ANO3: variants seen among roughly 807,000 people sequenced by gnomAD.
ANO3 encodes anoctamin-3.
Under a neutral mutation model 144.8 loss-of-function variants are expected in ANO3, and 99 were observed. The ratio of observed to expected loss-of-function variants is 0.68; its 90% CI spans 0.58 to 0.81. The LOEUF is 0.81. ANO3 is among the 30% of genes least tolerant of loss of function. The pLI, the probability that ANO3 is intolerant of heterozygous loss-of-function variation, is 0.00. For synonymous variants in ANO3, 414 were observed against 392.6 expected, an observed-to-expected ratio of 1.05 and a Z score of -0.64; for missense variants, 905 against 1,202.2, an observed-to-expected ratio of 0.75 and a Z score of 3.66.
At chr11:26,345,436 C>A (rs1283950157) in intron 1 of ANO3, among the ~76,000 whole-genome samples, 1 of 152,100 alleles carries the variant, frequency 6.6e-6, no homozygotes, top group African/African-American at 2.4e-5. Context: ...GCCTGTAGTC[C>A]CAGCTACCTG....
At chr11:26,534,342 G>A (rs375194824) in intron 8 of ANO3, 114 bp from the exon 9 acceptor site, 10 of 584,522 alleles carry the variant, frequency 1.7e-5, no homozygotes, top group African/African-American at 9.3e-5. Flanking sequence ...TAAAGAGGAT[G>A]ATTTCCCTTC....
intron 13 of ANO3, among the ~76,000 whole-genome samples, chr11:26,555,029 C>T (rs1242125526): frequency 6.6e-6 from 1 of 152,130 alleles, no homozygotes; most frequent in Non-Finnish European, 1.5e-5. Context: ...AATCCAAAGC[C>T]ACTCAATGTC....
At chr11:26,286,995 C>A (rs1206781090) in intron 1 of ANO3, among the ~76,000 whole-genome samples, 2 of 152,052 alleles carry the variant, frequency 1.3e-5, no homozygotes, top group South Asian at 2.1e-4. Context: ...TGTTATAAAT[C>A]AATGGAAGCA....
intron 14 of ANO3, chr11:26,572,393 A>T: frequency 7.8e-5 from 22 of 280,740 alleles, no homozygotes; most frequent in South Asian, 1.4e-4. Flanking sequence ...CGGGTCATCA[A>T]TTTTTTTTTT....
intron 1 of ANO3, among the ~76,000 whole-genome samples, chr11:26,433,136 A>C (rs1439200416): frequency 6.6e-6 from 1 of 151,982 alleles, no homozygotes; most frequent in African/African-American, 2.4e-5. Flanking sequence ...CTGTATTCCT[A>C]GGTATTTTTT....
chr11:26,517,256 G>A (rs1861899053), intron 6 of ANO3, among the ~76,000 whole-genome samples: 2 of 152,086 alleles, frequency 1.3e-5, no homozygotes, highest in South Asian at 4.1e-4. Context: ...TAGTTTTGTG[G>A]AAGGCAGAAA....
chr11:26,229,424 T>C (rs1376103584), intron 1 of ANO3, among the ~76,000 whole-genome samples: 2 of 152,214 alleles, frequency 1.3e-5, no homozygotes, highest in Non-Finnish European at 2.9e-5. Flanking sequence ...CCTATGTTGT[T>C]AACTCAGTAT....
chr11:26,506,254 T>C (rs1448890447), intron 4 of ANO3, among the ~76,000 whole-genome samples: 2 of 152,164 alleles, frequency 1.3e-5, no homozygotes, highest in Admixed American at 6.5e-5. Context: ...TATTTGTATA[T>C]GGCTCCTTAT....
At chr11:26,452,819 C>T (rs186525157) in intron 3 of ANO3, among the ~76,000 whole-genome samples, 5 of 152,098 alleles carry the variant, frequency 3.3e-5, no homozygotes, top group African/African-American at 1.2e-4. Context: ...ATGTTAAGGG[C>T]AGTCAGAGAG....
intron 1 of ANO3, among the ~76,000 whole-genome samples, chr11:26,257,154 ATATG>A (rs917949260): frequency 2.6e-5 from 4 of 152,124 alleles, no homozygotes; most frequent in Non-Finnish European, 5.9e-5. Flanking sequence ...ACTATGCTAA[ATATG>A]TATGTATACA....
At chr11:26,191,361 CAT>C (rs745734397) in intron 1 of ANO3, among the ~76,000 whole-genome samples, 5 of 150,716 alleles carry the variant, frequency 3.3e-5, no homozygotes, top group Non-Finnish European at 7.4e-5. Flanking sequence ...CACACACACA[CAT>C]ATATATATTT....
chr11:26,268,468 T>A (rs1264145704), intron 1 of ANO3, among the ~76,000 whole-genome samples: 3 of 152,070 alleles, frequency 2.0e-5, no homozygotes, highest in African/African-American at 7.2e-5. Flanking sequence ...GCATAAAAAG[T>A]TTTTGTTAGG....
chr11:26,597,580 G>A (rs569229307), intron 14 of ANO3, among the ~76,000 whole-genome samples: 5 of 152,254 alleles, frequency 3.3e-5, no homozygotes, highest in South Asian at 4.1e-4. Flanking sequence ...AGCTCGAGCC[G>A]TAACAAACAC....
chr11:26,249,220 C>T (rs112856359), intron 1 of ANO3, among the ~76,000 whole-genome samples: 1,697 of 152,224 alleles, frequency 0.011, 35 homozygotes, highest in African/African-American at 0.039. Flanking sequence ...ACAAGACCCG[C>T]TTAATGTAGA....
intron 10 of ANO3, among the ~76,000 whole-genome samples, chr11:26,538,390 T>C (rs1849564230): frequency 6.6e-6 from 1 of 152,202 alleles, no homozygotes; most frequent in South Asian, 2.1e-4. Context: ...ACAGGAAATA[T>C]GTTTGTGTAT....
upstream of ANO3, among the ~76,000 whole-genome samples, chr11:26,308,186 G>A (rs1324496362): frequency 6.6e-6 from 1 of 152,098 alleles, no homozygotes; most frequent in Non-Finnish European, 1.5e-5. Context: ...AAAAGTGTTA[G>A]ACAAGAAAAA....
intron 7 of ANO3, 42 bp from the exon 8 acceptor site, chr11:26,531,163 G>C: frequency 6.2e-7 from 1 of 1,608,298 alleles, no homozygotes; most frequent in Non-Finnish European, 8.5e-7. Context: ...CATGGCTTTG[G>C]AATACAACCT....
At chr11:26,568,546 A>T (rs1850689345) in intron 14 of ANO3, among the ~76,000 whole-genome samples, 1 of 151,988 alleles carries the variant, frequency 6.6e-6, no homozygotes, top group Admixed American at 6.6e-5. Flanking sequence ...TTTTTACAAA[A>T]CACTGATAAT....
chr11:26,635,638 T>G (rs1278619279), intron 20 of ANO3, among the ~76,000 whole-genome samples: 1 of 152,224 alleles, frequency 6.6e-6, no homozygotes, highest in Non-Finnish European at 1.5e-5. Flanking sequence ...CTTCAGTATT[T>G]AGCCAATGGT....
Sources: gnomAD v4.1 joint callset for allele counts (sites outside exome capture counted in the v4.1 genomes callset) on GRCh38, gnomAD v4.1.1 for gene constraint, MANE v1.5 for transcripts, NCBI Gene and HGNC (gene_info 2026-07-23, HGNC 2026-07-21) for gene names.